HGSNAT: variants seen among roughly 807,000 people sequenced by gnomAD.
The protein encoded by HGSNAT is heparan-alpha-glucosaminide N-acetyltransferase, also known as transmembrane protein 76.
In HGSNAT, 59 loss-of-function variants were observed where a neutral mutation model predicts 85.2. That is an observed-to-expected ratio of 0.69 (90% CI 0.56 to 0.86). The LOEUF (loss-of-function observed/expected upper bound fraction) is 0.86. Ranked by LOEUF, HGSNAT falls within the 40% of genes least tolerant of loss-of-function variation. The probability of loss-of-function intolerance (pLI) is 0.00; values close to 1 mark genes in which losing one functional copy is unlikely to be tolerated. For missense variants in HGSNAT, 756 were observed against 777.1 expected (o/e 0.97, Z 0.32); for synonymous variants, 321 against 304.5 (o/e 1.05, Z -0.56).
At position 43,161,461 on chromosome 8, in the gene HGSNAT, G is replaced by A. The variant is rs1461448317; in HGVS notation, c.517G>A (p.Gly173Ser). Residue 173 changes from glycine to serine, a missense_variant, in exon 5 of 18, where the codon GGT becomes AGT. By Grantham distance (56) the Gly-to-Ser change is moderately conservative. Coordinates refer to ENST00000379644, the MANE Select transcript of HGSNAT (RefSeq NM_152419.3). ...NLPVSIAFLI[G>S]LAVIIVISFL... ...AGCTGTGAGCATTGCATTCCTTATTGGTCTTGCTGTCATCATTGTGATATC... is the reference window on the plus strand; with the variant it reads ...AGCTGTGAGCATTGCATTCCTTATTAGTCTTGCTGTCATCATTGTGATATC... 2 of 1,611,846 alleles carry A rather than the reference G, an allele frequency of 1.2e-6. No individual in the cohort carries two copies. Among genetic ancestry groups the A allele is most frequent in the Admixed American group, 1.7e-5 (1 of 59,794 alleles).
intron 2 of HGSNAT, among the ~76,000 whole-genome samples, chr8:43,147,734 A>G (rs899601243): frequency 2.6e-5 from 4 of 152,166 alleles, no homozygotes; most frequent in Admixed American, 1.3e-4. Context: ...AACAGGAGAC[A>G]CTAGGGACTA....
At chr8:43,140,945 A>G (rs1656137772) in intron 1 of HGSNAT, among the ~76,000 whole-genome samples, 1 of 152,076 alleles carries the variant, frequency 6.6e-6, no homozygotes, top group South Asian at 2.1e-4. Context: ...GGACGCCGGG[A>G]CCCCACAAAC....
chr8:43,141,514 C>T (rs1438112493), intron 1 of HGSNAT, among the ~76,000 whole-genome samples: 3 of 152,118 alleles, frequency 2.0e-5, no homozygotes, highest in Non-Finnish European at 4.4e-5. Flanking sequence ...GCCCTAGGTC[C>T]TTCGCACACG....
chr8:43,159,687 A>C (rs931389956), intron 4 of HGSNAT, among the ~76,000 whole-genome samples: 5 of 152,228 alleles, frequency 3.3e-5, no homozygotes, highest in African/African-American at 9.6e-5. Context: ...AAGAAACTAG[A>C]AATAGGGTAA....
chr8:43,154,656 T>C (rs548287597), intron 2 of HGSNAT, among the ~76,000 whole-genome samples: 28 of 152,282 alleles, frequency 1.8e-4, no homozygotes, highest in African/African-American at 5.5e-4. Flanking sequence ...AATAAACATA[T>C]GTGTGCATGT....
chr8:43,159,189 C>CA, intron 4 of HGSNAT, 145 bp downstream of exon 4: 1 of 615,228 alleles, frequency 1.6e-6, no homozygotes, highest in Non-Finnish European at 2.7e-6. Context: ...CCACTCCCCC[C>CA]AAAAAATCCA....
chr8:43,191,899 G>A (rs1804543596), intron 12 of HGSNAT, among the ~76,000 whole-genome samples: 1 of 152,034 alleles, frequency 6.6e-6, no homozygotes, highest in Non-Finnish European at 1.5e-5. Context: ...CTCTGAATTG[G>A]GCTGCATACA....
intron 2 of HGSNAT, among the ~76,000 whole-genome samples, chr8:43,156,023 A>G (rs1803082699): frequency 1.3e-5 from 2 of 151,636 alleles, no homozygotes; most frequent in African/African-American, 4.8e-5. Flanking sequence ...TATTTTTAGT[A>G]GATATGGGGT....
chr8:43,193,759 A>G lies in HGSNAT; in HGVS notation c.1380A>G (p.Val460=), dbSNP rs751897985. The G allele has an allele frequency of 6.2e-7, 1 of 1,610,880 alleles. No individual in the cohort carries two copies. The highest frequency in any genetic ancestry group is 8.5e-7 in the Non-Finnish European group (1 of 1,177,532). The change falls in exon 14 of 18, where the codon GTA becomes GTG. Residue 460 remains valine, a splice_region_variant and synonymous_variant. Transcript: ENST00000379644. ...GCCTTCTGCTTCTGTTTGTTAAGGT[A>G]CTTTACCACACCGAGGTGGCCTATG... is the stretch of plus-strand genomic sequence containing the variant. ...DHLYQHPSSA[V]LYHTEVAYDP...
chr8:43,146,909 CTTTT>C (rs375505816), intron 1 of HGSNAT, 35 bp from the exon 2 acceptor site: 123 of 1,034,766 alleles, frequency 1.2e-4, no homozygotes, highest in Admixed American at 2.3e-4. Flanking sequence ...TTTCGGGTGC[CTTTT>C]TTTTTTTTTT....
intron 15 of HGSNAT, 46 bp downstream of exon 15, chr8:43,197,071 A>G (rs117027222): frequency 2.4e-4 from 309 of 1,265,802 alleles, no homozygotes; most frequent in Non-Finnish European, 3.4e-4. Context: ...CTTCACATGT[A>G]TAGATATTTA....
intron 10 of HGSNAT, 68 bp downstream of exon 10, chr8:43,178,302 G>A: frequency 8.2e-7 from 1 of 1,212,288 alleles, no homozygotes; most frequent in Non-Finnish European, 1.1e-6. Flanking sequence ...TGTAATTTGA[G>A]AGAAATGCAA....
intron 5 of HGSNAT, among the ~76,000 whole-genome samples, chr8:43,164,211 C>T (rs979665553): frequency 5.9e-5 from 9 of 152,096 alleles, no homozygotes; most frequent in African/African-American, 2.2e-4. Context: ...GGTGAGAGGA[C>T]ATATGAAGTA....
rs1322178064 is a variant in HGSNAT at position 43,199,467 on chromosome 8, C to G, written c.1806C>G (p.Asn602Lys). ...CCTTTCAGTGGAAGCTGAAGGACAA[C>G]CAGTCCCACAAGGAGCACCTGACTC... ...YFPFQWKLKD[N>K]QSHKEHLTQN... The change falls in exon 18 of 18, where the codon AAC becomes AAG. Residue 602 changes from asparagine (N) to lysine (K), a missense_variant. Asn to Lys is a moderately conservative substitution (Grantham distance 94, BLOSUM62 0). Transcript: ENST00000379644. 6.2e-7 allele frequency: 1 copy of G among 1,612,462 alleles called. No individual in the cohort carries two copies. Among genetic ancestry groups the G allele is most frequent in the South Asian group, 1.1e-5 (1 of 90,552 alleles).
Position 43,140,683 on chromosome 8 carries a change from C to T in HGSNAT, c.118+69C>T, listed in dbSNP as rs577261388. The T allele has an allele frequency of 3.5e-3, 2,704 of 774,282 alleles. 56 individuals carry two copies. The African/African-American group carries it at 0.048, about 14-fold the overall frequency. 48.0% of individuals were successfully genotyped at this position (774,282 alleles called of 1,614,324 possible). On this transcript the variant is annotated intron_variant, in intron 1 of 17. Transcript: ENST00000379644. ...AGCGTCTCCTCTCCGCGGCGCCGCC[C>T]CTATCTCCGTGCGCGGCGCCGAGCG...
chr8:43,188,731 T>C (rs1804414580), intron 11 of HGSNAT, among the ~76,000 whole-genome samples: 1 of 152,212 alleles, frequency 6.6e-6, no homozygotes, highest in African/African-American at 2.4e-5. Flanking sequence ...GGCGCTCTGA[T>C]TTTTAGAATT....
intron 11 of HGSNAT, among the ~76,000 whole-genome samples, chr8:43,188,635 C>T (rs1586747193): frequency 6.6e-6 from 1 of 152,316 alleles, no homozygotes; most frequent in African/African-American, 2.4e-5. Flanking sequence ...TCATCTGAAG[C>T]CTTCTTCTCT....
intron 11 of HGSNAT, among the ~76,000 whole-genome samples, chr8:43,183,347 T>C (rs1212823285): frequency 5.3e-5 from 8 of 152,170 alleles, no homozygotes; most frequent in African/African-American, 1.9e-4. Flanking sequence ...TTGTATTTAT[T>C]GTAGAGACGA....
intron 5 of HGSNAT, among the ~76,000 whole-genome samples, chr8:43,162,632 G>T (rs185119661): frequency 9.2e-4 from 139 of 151,698 alleles, no homozygotes; most frequent in African/African-American, 3.1e-3. Flanking sequence ...GCTGACTGCA[G>T]CCTTGACTTC....
Sources: gnomAD v4.1 joint callset for allele counts (sites outside exome capture counted in the v4.1 genomes callset) on GRCh38, gnomAD v4.1.1 for gene constraint, MANE v1.5 for transcripts, NCBI Gene and HGNC (gene_info 2026-07-23, HGNC 2026-07-21) for gene names.